Variants in AFAP1L2 observed in about 807,000 individuals in gnomAD.
AFAP1L2 encodes actin filament-associated protein 1-like 2.
Under a neutral mutation model 99.3 loss-of-function variants are expected in AFAP1L2, and 46 were observed. The observed-to-expected ratio is 0.46, with a 90% confidence interval of 0.37 to 0.59. The LOEUF is 0.59. Among genes scored for constraint, AFAP1L2 ranks in the 20% least tolerant of loss-of-function variants. AFAP1L2 has a pLI of 0.00. For missense variants in AFAP1L2, 959 were observed against 1,034.9 expected (o/e 0.93, Z 1.01); for synonymous variants, 397 against 419.1 (o/e 0.95, Z 0.64).
At chr10:114,396,079 G>C (rs2057685250) in intron 1 of AFAP1L2, among the ~76,000 whole-genome samples, 1 of 152,160 alleles carries the variant, frequency 6.6e-6, no homozygotes, top group South Asian at 2.1e-4. Context: ...GTGACTAGTG[G>C]CTTGGATGTG....
downstream of AFAP1L2, among the ~76,000 whole-genome samples, chr10:114,290,722 CA>C (rs35482716): frequency 0.25 from 37,722 of 151,974 alleles, 4,939 homozygotes; most frequent in African/African-American, 0.33. Context: ...ACAGTAGATC[CA>C]GGGTACAGGG....
rs542000935 is a variant in AFAP1L2, at chr10:114,317,282, T to C, written c.407-1517A>G. ...TGTTTTAATATTTCTAAAAACAACA[T>C]TTTAAACATTTTAGTATCAATTTTC... is the stretch of plus-strand genomic sequence containing the variant. On this transcript the variant is annotated intron_variant, in intron 5 of 18. Coordinates refer to ENST00000304129, the MANE Select transcript of AFAP1L2 (RefSeq NM_001001936.3). Among the ~76,000 whole-genome samples the C allele has an allele frequency of 5.9e-5, 9 of 152,358 alleles. No homozygotes were observed. The South Asian group carries it at 1.9e-3, about 32-fold the overall frequency.
intron 7 of AFAP1L2, among the ~76,000 whole-genome samples, chr10:114,313,434 C>T (rs945625409): frequency 3.3e-5 from 5 of 152,146 alleles, no homozygotes; most frequent in East Asian, 1.9e-4. Flanking sequence ...ACTTGGCAGA[C>T]GACTTTGATC....
Position 114,295,890 on chromosome 10 carries a change from C to T in AFAP1L2, c.*152G>A. 1 of 1,525,806 alleles carries T rather than the reference C, an allele frequency of 6.6e-7. No homozygotes were observed. The highest frequency in any genetic ancestry group is 8.8e-7 in the Non-Finnish European group (1 of 1,138,116). The allele number at this position is 1,525,806 out of a possible 1,614,324, so 94.5% of individuals were successfully genotyped here. A position where few individuals can be genotyped will look rare whatever the true frequency, so the allele number is the denominator to read the frequency against. On this transcript the variant is annotated 3_prime_UTR_variant, in exon 19 of 19. Coordinates refer to ENST00000304129, the MANE Select transcript of AFAP1L2 (RefSeq NM_001001936.3). ...CTTTGGCTCTGAAAAGGGACAGAGCCTCCTCTTAGCTGAAGCTCTCCATTC... is the reference window on the plus strand; with the variant it reads ...CTTTGGCTCTGAAAAGGGACAGAGCTTCCTCTTAGCTGAAGCTCTCCATTC...
rs1171110177 is a variant in AFAP1L2, at chr10:114,398,757, C to A, written c.16+5683G>T. The A allele has an allele frequency of 4.5e-5, 53 of 1,170,420 alleles. 1 individual carries two copies. The East Asian group carries it at 2.2e-3, about 49-fold the overall frequency. The allele number at this position is 1,170,420 out of a possible 1,614,324, so 72.5% of individuals were successfully genotyped here. Reference sequence around the variant, plus strand: ...CAGCTCCTTGATCTCCCTCAACCATCCACCCAGAGCATGGGCAGAGCCAGG... The same window carrying A: ...CAGCTCCTTGATCTCCCTCAACCATACACCCAGAGCATGGGCAGAGCCAGG... On this transcript the variant is annotated intron_variant, in intron 1 of 18. Coordinates refer to ENST00000304129, the MANE Select transcript of AFAP1L2 (RefSeq NM_001001936.3).
intron 8 of AFAP1L2, among the ~76,000 whole-genome samples, chr10:114,308,877 G>A (rs999363800): frequency 4.6e-5 from 7 of 152,204 alleles, no homozygotes; most frequent in African/African-American, 1.7e-4. Context: ...AATGTGAGCT[G>A]GTTCGTCTGC....
intron 5 of AFAP1L2, among the ~76,000 whole-genome samples, chr10:114,318,321 T>A (rs913205097): frequency 4.6e-5 from 7 of 152,244 alleles, no homozygotes; most frequent in Non-Finnish European, 7.3e-5. Context: ...TGTTCTGTGC[T>A]TCTGGGGTTG....
Position 114,300,500 on chromosome 10 carries a change from G to A in AFAP1L2, c.1733C>T (p.Pro578Leu). The A allele has an allele frequency of 1.2e-6, 2 of 1,614,180 alleles. No homozygotes were observed. Among genetic ancestry groups the A allele is most frequent in the South Asian group, 1.1e-5 (1 of 91,076 alleles). ...ATEALPADSG[P>L]GPTPDEPCIK... is the part of the protein sequence containing the mutation. ...GCAGGGCTCATCTGGGGTGGGACCTGGGCCTGAGTCTGCCGGGAGGGCCTC... is the reference window on the plus strand; with the variant it reads ...GCAGGGCTCATCTGGGGTGGGACCTAGGCCTGAGTCTGCCGGGAGGGCCTC... The change falls in exon 14 of 19, where the codon CCA becomes CTA. Residue 578 changes from proline (P) to leucine (L), a missense_variant. By Grantham distance (98) the Pro-to-Leu change is moderately conservative. Coordinates refer to ENST00000304129, the MANE Select transcript of AFAP1L2 (RefSeq NM_001001936.3).
intron 2 of AFAP1L2, among the ~76,000 whole-genome samples, chr10:114,337,237 G>A (rs2048117369): frequency 1.3e-5 from 2 of 152,104 alleles, no homozygotes; most frequent in Admixed American, 1.3e-4. Flanking sequence ...AGAGCCGTGT[G>A]CCCTCAGGCA....
chr10:114,352,730 C>T (rs2050726870), intron 1 of AFAP1L2, among the ~76,000 whole-genome samples: 2 of 152,248 alleles, frequency 1.3e-5, no homozygotes, highest in African/African-American at 2.4e-5. Context: ...GAATGAGCGT[C>T]AGCTCCATGC....
intron 1 of AFAP1L2, chr10:114,340,974 G>A (rs2048738881): frequency 1.8e-6 from 1 of 562,470 alleles, no homozygotes. Context: ...TGAAGTCCCA[G>A]CCCTACCAGG....
chr10:114,291,620 T>C, downstream of AFAP1L2: 1 of 206,400 alleles, frequency 4.8e-6, no homozygotes, highest in Non-Finnish European at 9.8e-6. Context: ...TTGCACACAA[T>C]CAATGCTCGC....
the AFAP1L2 span, among the ~76,000 whole-genome samples, chr10:114,287,351 T>G: frequency 6.6e-6 from 1 of 152,074 alleles, no homozygotes; most frequent in Non-Finnish European, 1.5e-5. Context: ...CAGCTAATTG[T>G]TTTATTTTTT....
rs371868777 is a variant in AFAP1L2, at chr10:114,315,544, C to T, written c.612+16G>A. 42 of 1,613,522 alleles carry T rather than the reference C, an allele frequency of 2.6e-5. No individual in the cohort carries two copies. Among genetic ancestry groups the T allele is most frequent in the African/African-American group, 6.7e-5 (5 of 75,042 alleles). On this transcript the variant is annotated intron_variant, in intron 6 of 18. Transcript: ENST00000304129. ...GGAGAGGAGTCGGGGGACAAGACGA[C>T]GTAAGGCAGACTGACCAGAAGCCTG...
chr10:114,362,612 C>T (rs571967133), intron 1 of AFAP1L2, among the ~76,000 whole-genome samples: 9 of 152,236 alleles, frequency 5.9e-5, no homozygotes, highest in African/African-American at 1.4e-4. Flanking sequence ...CTCTGCCCTC[C>T]GGAACCATAA....
downstream of AFAP1L2, among the ~76,000 whole-genome samples, chr10:114,290,693 G>GTCAT (rs2039500545): frequency 6.6e-6 from 1 of 151,168 alleles, no homozygotes; most frequent in East Asian, 1.9e-4. Flanking sequence ...CAACTAGGAG[G>GTCAT]GAGGCCACAG....
In AFAP1L2 at chr10:114,302,122, G is replaced by T. The variant is rs182187499; in HGVS notation, c.1430+217C>A. 3.2e-5 allele frequency: 20 copies of T among 620,482 alleles called. No homozygotes were observed. The African/African-American group carries it at 3.5e-4, about 11-fold the overall frequency. The allele number at this position is 620,482 out of a possible 1,614,324, so 38.4% of individuals were successfully genotyped here. On this transcript the variant is annotated intron_variant, in intron 12 of 18. Coordinates refer to ENST00000304129, the MANE Select transcript of AFAP1L2 (RefSeq NM_001001936.3). The stretch of plus-strand genomic sequence containing the variant: ...CTCTGAGGATGCCAAAGCTGCCCCC[G>T]GGGCCCGAAGCCTGGCTCGGCTCCT...
chr10:114,363,198 T>C, intron 1 of AFAP1L2: 5 of 982,876 alleles, frequency 5.1e-6, no homozygotes, highest in Non-Finnish European at 6.0e-6. Context: ...AGGCAACTCT[T>C]GAAATGTATG....
At chr10:114,286,010 G>T in the AFAP1L2 span, 1 of 1,614,118 alleles carries the variant, frequency 6.2e-7, no homozygotes, top group Non-Finnish European at 8.5e-7. Flanking sequence ...CACCACTCTG[G>T]ACGGCTTCCT....
Sources: allele counts gnomAD v4.1 joint callset (sites outside exome capture counted in the v4.1 genomes callset), GRCh38; gene constraint gnomAD v4.1.1; transcripts MANE v1.5; gene names NCBI Gene and HGNC (gene_info 2026-07-23, HGNC 2026-07-21).